SPAG16: variants seen among roughly 807,000 people sequenced by gnomAD.
SPAG16 encodes the protein sperm-associated antigen 16 protein.
Under a neutral mutation model 80.4 loss-of-function variants are expected in SPAG16, and 86 were observed. That is an observed-to-expected ratio of 1.07 (90% CI 0.90 to 1.28). SPAG16 has a LOEUF of 1.28. Ranked by LOEUF, SPAG16 falls within the 50% of genes most tolerant of loss-of-function variation. SPAG16 has a pLI of 0.00. For missense variants in SPAG16, 870 were observed against 765.3 expected (o/e 1.14, Z -1.61); for synonymous variants, 294 against 265.9 (o/e 1.11, Z -1.03).
chr2:214,297,971 C>T (rs561461908), intron 15 of SPAG16, among the ~76,000 whole-genome samples: 2 of 151,054 alleles, frequency 1.3e-5, no homozygotes, highest in Non-Finnish European at 3.0e-5. Context: ...GTTCCAAAAG[C>T]ATGGAATGTT....
intron 15 of SPAG16, among the ~76,000 whole-genome samples, chr2:214,351,922 C>G (rs374537343): frequency 6.6e-6 from 1 of 152,098 alleles, no homozygotes; most frequent in Non-Finnish European, 1.5e-5. Context: ...CACTGTGTAG[C>G]TTATAAACAA....
At chr2:214,335,594 C>T (rs967680732) in intron 15 of SPAG16, among the ~76,000 whole-genome samples, 16 of 151,760 alleles carry the variant, frequency 1.1e-4, no homozygotes, top group Non-Finnish European at 1.8e-4. Context: ...TAAGTTCCAG[C>T]TATATATTTC....
intron 15 of SPAG16, among the ~76,000 whole-genome samples, chr2:214,255,819 GTATTC>G (rs1413903000): frequency 2.0e-5 from 3 of 151,894 alleles, no homozygotes; most frequent in Non-Finnish European, 4.4e-5. Flanking sequence ...TTTCTGAGTA[GTATTC>G]TATTATATGA....
chr2:214,155,051 A>G (rs912713931), intron 15 of SPAG16, among the ~76,000 whole-genome samples: 5 of 152,168 alleles, frequency 3.3e-5, no homozygotes, highest in Non-Finnish European at 7.4e-5. Context: ...ACTTTTGGCT[A>G]ATTCCCAGAG....
At chr2:213,986,442 T>A (rs2106435705) in intron 12 of SPAG16, among the ~76,000 whole-genome samples, 1 of 152,186 alleles carries the variant, frequency 6.6e-6, no homozygotes, top group South Asian at 2.1e-4. Context: ...AATATAATTA[T>A]TCTAAGGGGC....
intron 10 of SPAG16, among the ~76,000 whole-genome samples, chr2:213,684,939 G>T (rs192638519): frequency 6.6e-6 from 1 of 152,290 alleles, no homozygotes; most frequent in African/African-American, 2.4e-5. Flanking sequence ...TGAAGGAGTG[G>T]TTTCCAGGAC....
chr2:213,777,693 C>T (rs2069688349), intron 10 of SPAG16, among the ~76,000 whole-genome samples: 1 of 152,198 alleles, frequency 6.6e-6, no homozygotes, highest in African/African-American at 2.4e-5. Context: ...AGGCGTGAGC[C>T]GCCCAACTAA....
intron 15 of SPAG16, among the ~76,000 whole-genome samples, chr2:214,163,952 A>T (rs1188385325): frequency 4.0e-5 from 6 of 151,396 alleles, no homozygotes; most frequent in Admixed American, 3.3e-4. Flanking sequence ...TCACGTCTTT[A>T]AAAAAAATAC....
chr2:213,820,233 C>A (rs1442209044), intron 10 of SPAG16, among the ~76,000 whole-genome samples: 1 of 152,118 alleles, frequency 6.6e-6, no homozygotes, highest in Non-Finnish European at 1.5e-5. Context: ...TGGCACCACA[C>A]CCAGCTAATT....
At chr2:213,500,435 G>A (rs1429368530) in intron 10 of SPAG16, among the ~76,000 whole-genome samples, 1 of 152,168 alleles carries the variant, frequency 6.6e-6, no homozygotes, top group East Asian at 1.9e-4. Context: ...GCTAAAACTT[G>A]CAACTTTATG....
At chr2:213,386,428 T>G (rs2067433078) in intron 9 of SPAG16, among the ~76,000 whole-genome samples, 1 of 152,168 alleles carries the variant, frequency 6.6e-6, no homozygotes, top group Non-Finnish European at 1.5e-5. Context: ...TAATTCTCAC[T>G]CCCATCCTTC....
At chr2:213,590,529 C>G (rs1345011390) in intron 10 of SPAG16, among the ~76,000 whole-genome samples, 2 of 151,692 alleles carry the variant, frequency 1.3e-5, no homozygotes. Flanking sequence ...GTATAACCAG[C>G]CAAGGAACTT....
chr2:213,856,033 G>A (rs969485712), intron 10 of SPAG16, among the ~76,000 whole-genome samples: 2 of 152,116 alleles, frequency 1.3e-5, no homozygotes, highest in African/African-American at 4.8e-5. Context: ...TCTGAGACAA[G>A]TTCCTTCTGC....
intron 13 of SPAG16, among the ~76,000 whole-genome samples, chr2:214,045,517 G>C (rs62191955): frequency 6.6e-6 from 1 of 152,160 alleles, no homozygotes; most frequent in Non-Finnish European, 1.5e-5. Context: ...AGAGGGAAAC[G>C]TAAAGGGGAC....
chr2:214,104,968 G>A (rs888071248), intron 13 of SPAG16, among the ~76,000 whole-genome samples: 5 of 152,134 alleles, frequency 3.3e-5, no homozygotes, highest in Non-Finnish European at 7.3e-5. Context: ...TACAGGAGCT[G>A]TGGAATTTGG....
Position 214,258,484 on chromosome 2 carries a change from TATATATAC to T in SPAG16, c.1720+109220_1720+109227del, listed in dbSNP as rs202208830. On this transcript the variant is annotated intron_variant, in intron 15 of 15. Transcript: ENST00000331683. ...GTATGTGTGTGTGTATATATATATA[TATATATAC>T]ACACACACATATATGTACATATATA... Among the ~76,000 whole-genome samples, 785 of 149,302 alleles carry T rather than the reference TATATATAC, an allele frequency of 5.3e-3. 10 individuals carry two copies. Among genetic ancestry groups the T allele is most frequent in the African/African-American group, 0.018 (742 of 40,958 alleles).
intron 14 of SPAG16, among the ~76,000 whole-genome samples, chr2:214,112,052 C>T (rs188876420): frequency 1.3e-5 from 2 of 152,154 alleles, no homozygotes; most frequent in African/African-American, 2.4e-5. Context: ...TCTAAATATA[C>T]AATCATGTCA....
intron 11 of SPAG16, among the ~76,000 whole-genome samples, chr2:213,882,977 C>G (rs1039701392): frequency 2.0e-5 from 3 of 152,096 alleles, no homozygotes; most frequent in African/African-American, 7.2e-5. Context: ...GGCCATTCTC[C>G]TCCTCAGCCT....
intron 10 of SPAG16, among the ~76,000 whole-genome samples, chr2:213,857,450 T>G (rs373999292): frequency 1.3e-5 from 2 of 152,310 alleles, no homozygotes; most frequent in East Asian, 1.9e-4. Flanking sequence ...AAATCTATTT[T>G]GCCTATGATT....
Sources: gnomAD v4.1 joint callset for allele counts (sites outside exome capture counted in the v4.1 genomes callset) on GRCh38, gnomAD v4.1.1 for gene constraint, MANE v1.5 for transcripts, NCBI Gene and HGNC (gene_info 2026-07-23, HGNC 2026-07-21) for gene names.